The following ACOXL variants were observed in gnomAD, a reference collection of about 807,000 sequenced individuals.
ACOXL encodes acyl-coenzyme A oxidase-like protein.
A neutral mutation model predicts 71.9 loss-of-function variants in ACOXL; 70 were observed. The ratio of observed to expected loss-of-function variants is 0.97; its 90% confidence interval spans 0.80 to 1.19. The LOEUF (loss-of-function observed/expected upper bound fraction) is 1.19, where lower values mean the gene tolerates loss of function less well. ACOXL is among the 50% of genes most tolerant of loss of function. The probability of loss-of-function intolerance (pLI) is 0.00; values close to 1 mark genes in which losing one functional copy is unlikely to be tolerated. For missense variants in ACOXL, 703 were observed against 736.3 expected, an observed-to-expected ratio of 0.95 and a Z score of 0.52; for synonymous variants, 253 against 281.6, an observed-to-expected ratio of 0.90 and a Z score of 1.02.
chr2:111,088,904 C>T (rs1438035788), intron 16 of ACOXL, among the ~76,000 whole-genome samples: 1 of 152,102 alleles, frequency 6.6e-6, no homozygotes, highest in African/African-American at 2.4e-5. Context: ...GAAAAGGGAC[C>T]ATCACTAGAA....
At chr2:111,024,991 C>T (rs981672948) in intron 14 of ACOXL, among the ~76,000 whole-genome samples, 2 of 151,784 alleles carry the variant, frequency 1.3e-5, no homozygotes, top group Non-Finnish European at 2.9e-5. Flanking sequence ...ATGCATATGT[C>T]ATATAACCAC....
At position 110,785,370 on chromosome 2, in the gene ACOXL, T is replaced by TTGTGTGTGTG. The variant is rs34917698; in HGVS notation, c.159+576_159+585dup. On this transcript the variant is annotated intron_variant, in intron 3 of 17. Coordinates refer to ENST00000439055, the MANE Select transcript of ACOXL (RefSeq NM_001142807.4). ...TTCACGAGTTTTTACATGCACTCAGTTGTGTGTGTGTGTGTGTGTGTGTGT... is the reference window on the plus strand; with the variant it reads ...TTCACGAGTTTTTACATGCACTCAGTTGTGTGTGTGTGTGTGTGTGTGTGTGTGTGTGTGT... 9.0e-3 allele frequency among the ~76,000 whole-genome samples: 1,309 copies of TTGTGTGTGTG among 145,654 alleles called. 27 individuals carry two copies. The highest frequency in any genetic ancestry group is 0.032 in the African/African-American group (1,253 of 39,340).
intron 14 of ACOXL, among the ~76,000 whole-genome samples, chr2:111,021,182 G>C (rs1450171767): frequency 6.6e-6 from 1 of 152,180 alleles, no homozygotes; most frequent in Admixed American, 6.5e-5. Flanking sequence ...GGGTAGAGGA[G>C]TGGGCCAGTG....
At chr2:111,041,308 A>C (rs1310189240) in intron 15 of ACOXL, among the ~76,000 whole-genome samples, 2 of 152,148 alleles carry the variant, frequency 1.3e-5, no homozygotes, top group Non-Finnish European at 2.9e-5. Context: ...AAACAGGATC[A>C]ATGCCACGCA....
chr2:111,103,403 C>T (rs1396898577), intron 17 of ACOXL, among the ~76,000 whole-genome samples: 2 of 152,226 alleles, frequency 1.3e-5, no homozygotes, highest in East Asian at 1.9e-4. Context: ...AGAGCCGATA[C>T]ATCTGTGGAA....
chr2:110,757,738 T>TG (rs1450519658), intron 1 of ACOXL, among the ~76,000 whole-genome samples: 3 of 151,950 alleles, frequency 2.0e-5, no homozygotes, highest in African/African-American at 7.2e-5. Context: ...TACCTTTTAA[T>TG]GGGGTTTTTT....
chr2:110,988,804 A>G (rs530834055), intron 13 of ACOXL, among the ~76,000 whole-genome samples: 1 of 149,102 alleles, frequency 6.7e-6, no homozygotes, highest in Admixed American at 6.7e-5. Flanking sequence ...TCTGTTTGCC[A>G]TTTGTATTTC....
At chr2:110,809,883 G>A (rs147481117) in intron 9 of ACOXL, among the ~76,000 whole-genome samples, 1 of 152,278 alleles carries the variant, frequency 6.6e-6, no homozygotes, top group African/African-American at 2.4e-5. Flanking sequence ...TGTTAGGTGA[G>A]CACAGCAGGC....
intron 15 of ACOXL, among the ~76,000 whole-genome samples, chr2:111,041,192 G>A (rs1426480894): frequency 6.6e-6 from 1 of 152,170 alleles, no homozygotes; most frequent in Non-Finnish European, 1.5e-5. Flanking sequence ...CACACATGCA[G>A]ATGCCGAGAC....
chr2:111,079,443 C>T (rs551319945), intron 16 of ACOXL, among the ~76,000 whole-genome samples: 7 of 152,292 alleles, frequency 4.6e-5, no homozygotes, highest in African/African-American at 1.7e-4. Context: ...TTCAACATTT[C>T]GTAAACAACT....
At chr2:110,835,263 GT>G (rs1008028485) in intron 9 of ACOXL, among the ~76,000 whole-genome samples, 6 of 149,070 alleles carry the variant, frequency 4.0e-5, no homozygotes, top group East Asian at 2.0e-4. Flanking sequence ...ATTTCTTTAG[GT>G]TTTTTTTTTA....
At chr2:111,089,919 C>T (rs185025674) in intron 16 of ACOXL, among the ~76,000 whole-genome samples, 127 of 152,288 alleles carry the variant, frequency 8.3e-4, no homozygotes, top group African/African-American at 2.9e-3. Flanking sequence ...AATTAACCAT[C>T]CAGACTAGGC....
Position 111,028,246 on chromosome 2 carries a change from C to A in ACOXL, c.1282-3381C>A, listed in dbSNP as rs77264503. Among the ~76,000 whole-genome samples the A allele has an allele frequency of 4.6e-3, 694 of 151,888 alleles. 5 individuals carry two copies. Among genetic ancestry groups the A allele is most frequent in the African/African-American group, 0.016 (669 of 41,416 alleles). Reference sequence around the variant, plus strand: ...GATTTTTCTACATAGACAATCATGTCTTTTTGAGTGGAGTCAGTCTTACTT... The same window carrying A: ...GATTTTTCTACATAGACAATCATGTATTTTTGAGTGGAGTCAGTCTTACTT... On this transcript the variant is annotated intron_variant, in intron 14 of 17. Coordinates refer to ENST00000439055, the MANE Select transcript of ACOXL (RefSeq NM_001142807.4).
At chr2:110,865,708 G>GT (rs554578802) in intron 10 of ACOXL, among the ~76,000 whole-genome samples, 10 of 152,206 alleles carry the variant, frequency 6.6e-5, no homozygotes, top group Non-Finnish European at 1.5e-4. Context: ...TGGATTTAAT[G>GT]TGTGTGTTTC....
chr2:110,828,644 C>G (rs1307877323), intron 9 of ACOXL, among the ~76,000 whole-genome samples: 1 of 152,160 alleles, frequency 6.6e-6, no homozygotes, highest in African/African-American at 2.4e-5. Flanking sequence ...TCTCAACAAG[C>G]CTGTGAGTAA....
At chr2:110,967,121 A>C (rs112962601) in intron 12 of ACOXL, among the ~76,000 whole-genome samples, 20 of 152,346 alleles carry the variant, frequency 1.3e-4, no homozygotes, top group African/African-American at 4.8e-4. Context: ...CCCACTATAA[A>C]AGTGTTTCAA....
rs147558456 is a variant in ACOXL at position 110,869,558 on chromosome 2, G to A, written c.788+28153G>A. Among the ~76,000 whole-genome samples the A allele has an allele frequency of 2.5e-3, 375 of 152,294 alleles. 3 individuals are homozygous for A. Among genetic ancestry groups the A allele is most frequent in the Admixed American group, 8.8e-3 (135 of 15,308 alleles). On this transcript the variant is annotated intron_variant, in intron 10 of 17. Coordinates refer to ENST00000439055, the MANE Select transcript of ACOXL (RefSeq NM_001142807.4). Reference sequence around the variant, plus strand: ...CATGCCAGCACTCTCCAGCGCTGGGGCTCGCATCTCTTCCAGCAAGGCCAG... The same window carrying A: ...CATGCCAGCACTCTCCAGCGCTGGGACTCGCATCTCTTCCAGCAAGGCCAG...
chr2:110,987,300 TCTTG>T, intron 13 of ACOXL, 83 bp downstream of exon 13: 4 of 1,294,740 alleles, frequency 3.1e-6, no homozygotes, highest in Non-Finnish European at 4.3e-6. Context: ...CATAACTCAC[TCTTG>T]CTTGAAATTT....
At chr2:110,846,950 T>C (rs1691971717) in intron 10 of ACOXL, among the ~76,000 whole-genome samples, 1 of 152,186 alleles carries the variant, frequency 6.6e-6, no homozygotes, top group Non-Finnish European at 1.5e-5. Flanking sequence ...CAGGTCCTGC[T>C]CATGTTTCGT....
Sources: gnomAD v4.1 joint callset for allele counts (sites outside exome capture counted in the v4.1 genomes callset) on GRCh38, gnomAD v4.1.1 for gene constraint, MANE v1.5 for transcripts, NCBI Gene and HGNC (gene_info 2026-07-23, HGNC 2026-07-21) for gene names.